The following CNTNAP2 variants were observed in gnomAD, a reference collection of about 807,000 sequenced individuals.
CNTNAP2 encodes contactin-associated protein-like 2.
Under a neutral mutation model 155.2 loss-of-function variants are expected in CNTNAP2, and 98 were observed. The observed-to-expected ratio is 0.63, with a 90% CI of 0.54 to 0.75. The LOEUF (loss-of-function observed/expected upper bound fraction) is 0.75, where lower values mean the gene tolerates loss of function less well. Ranked by LOEUF, CNTNAP2 falls within the 30% of genes least tolerant of loss-of-function variation. The pLI is 0.00. For missense variants in CNTNAP2, 1,727 were observed against 1,688.1 expected (o/e 1.02, Z -0.40); for synonymous variants, 651 against 631.2 (o/e 1.03, Z -0.47).
At chr7:147,106,781 G>A (rs1050519438) in intron 4 of CNTNAP2, among the ~76,000 whole-genome samples, 1 of 152,156 alleles carries the variant, frequency 6.6e-6, no homozygotes, top group Non-Finnish European at 1.5e-5. Context: ...CAAAAAAGGA[G>A]TGGATGTGGT....
At chr7:146,747,229 C>T (rs1171213038) in intron 1 of CNTNAP2, among the ~76,000 whole-genome samples, 1 of 151,958 alleles carries the variant, frequency 6.6e-6, no homozygotes, top group Admixed American at 6.6e-5. Flanking sequence ...ATTATCTGAC[C>T]TTATACCTAC....
At chr7:148,106,493 G>GATATCTATATATATATATATATAT (rs1804221895) in intron 15 of CNTNAP2, among the ~76,000 whole-genome samples, 1 of 124,926 alleles carries the variant, frequency 8.0e-6, no homozygotes, top group Admixed American at 7.8e-5. Flanking sequence ...CACACTTTGA[G>GATATCTATATATATATATATATAT]ATATATATAT....
intron 10 of CNTNAP2, among the ~76,000 whole-genome samples, chr7:147,414,736 T>C (rs1029606902): frequency 2.0e-5 from 3 of 151,768 alleles, no homozygotes; most frequent in African/African-American, 7.3e-5. Flanking sequence ...GGTCAGGAGA[T>C]CGAGACTATC....
chr7:148,367,730 C>T (rs1289884831), intron 21 of CNTNAP2, among the ~76,000 whole-genome samples: 2 of 151,974 alleles, frequency 1.3e-5, no homozygotes, highest in African/African-American at 2.4e-5. Context: ...GAGATTAATG[C>T]GATCGCCCCA....
chr7:147,246,814 A>T (rs950381278), intron 8 of CNTNAP2, among the ~76,000 whole-genome samples: 5 of 152,236 alleles, frequency 3.3e-5, no homozygotes, highest in African/African-American at 1.2e-4. Context: ...AAGTTACAAG[A>T]TAAAATCAAA....
chr7:147,089,733 T>C (rs1800359090), intron 4 of CNTNAP2, among the ~76,000 whole-genome samples: 1 of 152,178 alleles, frequency 6.6e-6, no homozygotes, highest in African/African-American at 2.4e-5. Flanking sequence ...CTATATTCAA[T>C]AAATATTAGT....
Position 147,742,675 on chromosome 7 carries a change from A to G in CNTNAP2, c.2098+103369A>G, listed in dbSNP as rs118066553. ...GTAGGATTCTGGATATTCAGCTTCAATAGTGAAGCTAAGAATTCTACGTAT... is the reference window on the plus strand; with the variant it reads ...GTAGGATTCTGGATATTCAGCTTCAGTAGTGAAGCTAAGAATTCTACGTAT... On this transcript the variant is annotated intron_variant, in intron 13 of 23. Transcript: ENST00000361727. Among the ~76,000 whole-genome samples, 608 of 152,332 alleles carry G rather than the reference A, an allele frequency of 4.0e-3. 3 individuals carry two copies. The highest frequency in any genetic ancestry group is 8.7e-3 in the African/African-American group (362 of 41,578).
intron 1 of CNTNAP2, among the ~76,000 whole-genome samples, chr7:146,243,442 G>A (rs34948064): frequency 0.1 from 15,512 of 152,032 alleles, 822 homozygotes; most frequent in Middle Eastern, 0.16. Flanking sequence ...TCTCTTTTGG[G>A]CAATACTTTC....
In CNTNAP2 at chr7:147,844,842, A is replaced by T. The variant is rs1196353925; in HGVS notation, c.2099-58723A>T. Reference sequence around the variant, plus strand: ...TTTGTCAAAGGCTTTTTCTGCATCTATTGAGATAATCATGTGGTTTTTGTC... The same window carrying T: ...TTTGTCAAAGGCTTTTTCTGCATCTTTTGAGATAATCATGTGGTTTTTGTC... On this transcript the variant is annotated intron_variant, in intron 13 of 23. Transcript: ENST00000361727. Among the ~76,000 whole-genome samples, 13 of 90,268 alleles carry T rather than the reference A, an allele frequency of 1.4e-4. No homozygotes were observed. The Admixed American group carries it at 1.8e-3, about 13-fold the overall frequency. 59.2% of individuals were successfully genotyped at this position (90,268 alleles called of 152,430 possible).
chr7:147,197,973 T>C (rs1157339771), intron 8 of CNTNAP2, among the ~76,000 whole-genome samples: 1 of 152,168 alleles, frequency 6.6e-6, no homozygotes, highest in East Asian at 1.9e-4. Flanking sequence ...AGAAACTTGG[T>C]AATATGGTAT....
chr7:147,147,899 A>C (rs1290426471), intron 8 of CNTNAP2, among the ~76,000 whole-genome samples: 1 of 152,146 alleles, frequency 6.6e-6, no homozygotes, highest in Non-Finnish European at 1.5e-5. Context: ...GTCCTCCATG[A>C]CTATCATCTC....
intron 4 of CNTNAP2, among the ~76,000 whole-genome samples, chr7:147,100,704 G>A (rs948429489): frequency 6.6e-5 from 10 of 152,088 alleles, no homozygotes; most frequent in Non-Finnish European, 1.0e-4. Context: ...TAAACTGCAC[G>A]GTCACAGGCA....
chr7:147,910,797 A>T (rs1414737352), intron 14 of CNTNAP2, among the ~76,000 whole-genome samples: 1 of 152,108 alleles, frequency 6.6e-6, no homozygotes, highest in East Asian at 1.9e-4. Flanking sequence ...AATTATCTCC[A>T]CCTGGTCCCG....
intron 13 of CNTNAP2, among the ~76,000 whole-genome samples, chr7:147,829,660 A>G (rs975412874): frequency 6.6e-6 from 1 of 152,278 alleles, no homozygotes. Context: ...GCTAGCTGGA[A>G]AGCCCACACA....
At chr7:146,785,612 ATTGT>A (rs1742308189) in intron 2 of CNTNAP2, among the ~76,000 whole-genome samples, 1 of 152,244 alleles carries the variant, frequency 6.6e-6, no homozygotes, top group South Asian at 2.1e-4. Context: ...TATCTCACAA[ATTGT>A]TTGGTCACTG....
intron 3 of CNTNAP2, among the ~76,000 whole-genome samples, chr7:146,958,957 C>A (rs1333326260): frequency 6.6e-6 from 1 of 152,032 alleles, no homozygotes; most frequent in East Asian, 1.9e-4. Flanking sequence ...TATTCTGTGT[C>A]TTTCCCCATG....
chr7:148,208,701 G>T (rs1489823440), intron 18 of CNTNAP2, among the ~76,000 whole-genome samples: 1 of 152,164 alleles, frequency 6.6e-6, no homozygotes, highest in African/African-American at 2.4e-5. Context: ...CAAAATCAAT[G>T]ATTAGGAAGT....
intron 1 of CNTNAP2, among the ~76,000 whole-genome samples, chr7:146,551,686 G>T (rs1161310337): frequency 1.3e-5 from 2 of 152,066 alleles, no homozygotes; most frequent in Non-Finnish European, 2.9e-5. Flanking sequence ...TATATAAGTA[G>T]TGTTATTTAT....
intron 1 of CNTNAP2, among the ~76,000 whole-genome samples, chr7:146,309,120 T>C (rs1486375164): frequency 6.6e-6 from 1 of 152,202 alleles, no homozygotes; most frequent in African/African-American, 2.4e-5. Context: ...CTTTTTATTA[T>C]TGGAAATGAC....
Sources: allele counts gnomAD v4.1 joint callset (sites outside exome capture counted in the v4.1 genomes callset), GRCh38; gene constraint gnomAD v4.1.1; transcripts MANE v1.5; gene names NCBI Gene and HGNC (gene_info 2026-07-23, HGNC 2026-07-21).